The following LSS variants were observed in gnomAD, a reference collection of about 807,000 sequenced individuals.
LSS encodes the protein lanosterol synthase, also known as 2,3-epoxysqualene-lanosterol cyclase.
In LSS, 90 loss-of-function variants were observed where a neutral mutation model predicts 110.3. That is an observed-to-expected ratio of 0.82 (90% CI 0.69 to 0.97). LSS has a LOEUF of 0.97. Ranked by LOEUF, LSS falls within the 50% of genes least tolerant of loss-of-function variation. The probability of loss-of-function intolerance (pLI) is 0.00; values close to 1 mark genes in which losing one functional copy is unlikely to be tolerated. For synonymous variants in LSS, 433 were observed against 400.0 expected, an observed-to-expected ratio of 1.08 and a Z score of -0.98; for missense variants, 927 against 990.0, an observed-to-expected ratio of 0.94 and a Z score of 0.85.
intron 17 of LSS, among the ~76,000 whole-genome samples, chr21:46,198,653 A>G (rs1048675623): frequency 1.1e-4 from 16 of 152,164 alleles, no homozygotes; most frequent in Non-Finnish European, 2.2e-4. Flanking sequence ...TACAGGAACC[A>G]AGACAGTGTG....
At chr21:46,218,850 C>T (rs925897938) in intron 6 of LSS, among the ~76,000 whole-genome samples, 1 of 151,746 alleles carries the variant, frequency 6.6e-6, no homozygotes, top group Non-Finnish European at 1.5e-5. Flanking sequence ...CTCAGCCTCC[C>T]GAGTAGCTGG....
At chr21:46,201,520 T>C (rs2079977769) in intron 17 of LSS, among the ~76,000 whole-genome samples, 1 of 128,130 alleles carries the variant, frequency 7.8e-6, no homozygotes, top group East Asian at 2.5e-4. Flanking sequence ...GGGTAGAGCC[T>C]GGATCATGTG....
chr21:46,219,580 G>A lies in LSS; in HGVS notation c.551-8C>T, dbSNP rs895275408. 2 of 1,556,756 alleles carry A rather than the reference G, an allele frequency of 1.3e-6. No homozygotes were observed. The highest frequency in any genetic ancestry group is 1.7e-6 in the Non-Finnish European group (2 of 1,146,826). On this transcript the variant is annotated splice_polypyrimidine_tract_variant and splice_region_variant and intron_variant, in intron 5 of 21. Coordinates refer to ENST00000397728, the MANE Select transcript of LSS (RefSeq NM_002340.6). The stretch of plus-strand genomic sequence containing the variant: ...GGATGGCCACAGCACCACCTGAGCG[G>A]GGAGAGAATAGGCCCACGTCATCTG...
At chr21:46,202,387 C>T (rs1277338213) in intron 17 of LSS, among the ~76,000 whole-genome samples, 1 of 142,578 alleles carries the variant, frequency 7.0e-6, no homozygotes, top group East Asian at 2.1e-4. Flanking sequence ...GAGCGAGACT[C>T]CGTCTCAAAA....
At position 46,188,597 on chromosome 21, in the gene LSS, C is replaced by G; in HGVS notation, c.*2507G>C. The G allele has an allele frequency of 4.3e-6, 2 of 469,780 alleles. No individual in the cohort carries two copies. The highest frequency in any genetic ancestry group is 3.1e-5 in the South Asian group (2 of 64,504). The allele number at this position is 469,780 out of a possible 1,614,324, so 29.1% of individuals were successfully genotyped here. On this transcript the variant is annotated 3_prime_UTR_variant, in exon 22 of 22. Transcript: ENST00000397728. ...CTGGGACAGGTCACCCTCCCAGCAC[C>G]GAGAAGCCGACGGGGGAGGAACAGA... is the stretch of plus-strand genomic sequence containing the variant.
intron 3 of LSS, among the ~76,000 whole-genome samples, chr21:46,226,041 C>T (rs1460230609): frequency 1.3e-5 from 2 of 151,704 alleles, no homozygotes; most frequent in African/African-American, 2.4e-5. Flanking sequence ...GAGGCTGAGG[C>T]AGGAGAATCA....
chr21:46,207,949 T>C (rs1324141159), intron 14 of LSS, among the ~76,000 whole-genome samples: 1 of 152,248 alleles, frequency 6.6e-6, no homozygotes, highest in Non-Finnish European at 1.5e-5. Flanking sequence ...TTCTTTCCTC[T>C]GCCTTCCCCG....
At chr21:46,228,334 T>A (rs189497555) in intron 2 of LSS, 100 bp downstream of exon 2, 1,861 of 1,386,118 alleles carry the variant, frequency 1.3e-3, no homozygotes, top group Non-Finnish European at 1.6e-3. Flanking sequence ...TGGGCGTCGC[T>A]GGCCGGGTCC....
At chr21:46,224,128 T>C (rs1176417627) in intron 3 of LSS, among the ~76,000 whole-genome samples, 2 of 152,226 alleles carry the variant, frequency 1.3e-5, no homozygotes, top group Non-Finnish European at 2.9e-5. Flanking sequence ...CAGTAGTCAA[T>C]TAGTGAAAGT....
chr21:46,224,495 C>G (rs955720889), intron 3 of LSS, among the ~76,000 whole-genome samples: 1 of 152,096 alleles, frequency 6.6e-6, no homozygotes, highest in Non-Finnish European at 1.5e-5. Context: ...GTCCCTACAC[C>G]CTGGAAGAAG....
chr21:46,216,287 G>A lies in LSS; in HGVS notation c.783+102C>T, dbSNP rs2080205499. The A allele has an allele frequency of 2.0e-6, 3 of 1,468,406 alleles. No homozygotes were observed. In the East Asian group the frequency reaches 6.8e-5, roughly 33 times the overall value. 91.0% of individuals were successfully genotyped at this position (1,468,406 alleles called of 1,614,324 possible). A position where few individuals can be genotyped will look rare whatever the true frequency, so the allele number is the denominator to read the frequency against. On this transcript the variant is annotated intron_variant, in intron 7 of 21. Transcript: ENST00000397728. This position sits in a 1 kb window ranked among gnomAD's most constrained non-coding sequence, Gnocchi z 4.2. ...CTCCACAGGGCTCTCCGCTCCACAGGGCCACCAGGTGAGTGGACAGGTGTG... is the reference window on the plus strand; with the variant it reads ...CTCCACAGGGCTCTCCGCTCCACAGAGCCACCAGGTGAGTGGACAGGTGTG...
intron 10 of LSS, among the ~76,000 whole-genome samples, chr21:46,213,302 C>T (rs546808226): frequency 5.9e-5 from 9 of 152,360 alleles, no homozygotes; most frequent in African/African-American, 2.2e-4. Flanking sequence ...CTCCCCGACC[C>T]CAGGCTGTGC....
At position 46,209,629 on chromosome 21, in the gene LSS, G is replaced by C. The variant is rs764868244; in HGVS notation, c.1195-4C>G. ...CGGGCCTGTGGTGCCCGCCCGCCTG[G>C]AAGAGACAGCAGGACAGAGAGGCTC... On this transcript the variant is annotated splice_region_variant and splice_polypyrimidine_tract_variant and intron_variant, in intron 12 of 21. Coordinates refer to ENST00000397728, the MANE Select transcript of LSS (RefSeq NM_002340.6). This position sits in a 1 kb window ranked among gnomAD's most constrained non-coding sequence, Gnocchi z 4.4. 5.0e-6 allele frequency: 8 copies of C among 1,606,976 alleles called. No homozygotes were observed. In the Admixed American group the frequency reaches 1.4e-4, roughly 27 times the overall value.
At chr21:46,222,784 A>G in intron 3 of LSS, 46 bp from the exon 4 acceptor site, 1 of 1,435,838 alleles carries the variant, frequency 7.0e-7, no homozygotes, top group Non-Finnish European at 9.8e-7. Flanking sequence ...GGTGGTCATG[A>G]CTGCTAAGAC....
chr21:46,213,954 G>A, intron 9 of LSS, 119 bp from the exon 10 acceptor site: 1 of 709,080 alleles, frequency 1.4e-6, no homozygotes, highest in Non-Finnish European at 2.5e-6. Flanking sequence ...GATCACTCAG[G>A]GCCAGGACAG....
chr21:46,212,083 G>A (rs2080141904), intron 11 of LSS, among the ~76,000 whole-genome samples: 1 of 152,064 alleles, frequency 6.6e-6, no homozygotes, highest in Admixed American at 6.5e-5. Context: ...ACAGGGAGGG[G>A]CAGGGAGGCC....
chr21:46,220,905 A>ACAGCCCAGGGCTTGGGGAGGTAGC (rs2080269923), intron 5 of LSS, among the ~76,000 whole-genome samples: 1 of 133,982 alleles, frequency 7.5e-6, no homozygotes, highest in African/African-American at 2.9e-5. Flanking sequence ...GGAGAGGTGG[A>ACAGCCCAGGGCTTGGGGAGGTAGC]CAGCCCAGGG....
chr21:46,219,535 C>G lies in LSS; in HGVS notation c.588G>C (p.Trp196Cys), dbSNP rs143911342. ...AGCTGTAAACATTCAGGACAGCCAG[C>G]CAGAACTTCCCCCAGGAGGGGATGG... ...AVAIPSWGKF[W>C]LAVLNVYSWE... The change falls in exon 6 of 22, where the codon TGG becomes TGC. Residue 196 changes from tryptophan to cysteine, a missense_variant. Transcript: ENST00000397728. 8.7e-6 allele frequency: 14 copies of G among 1,602,538 alleles called. No individual in the cohort carries two copies. Among genetic ancestry groups the G allele is most frequent in the Non-Finnish European group, 1.2e-5 (14 of 1,174,598 alleles).
In LSS at chr21:46,216,251, T is replaced by C; in HGVS notation, c.783+138A>G. 9.7e-7 allele frequency: 1 copy of C among 1,031,796 alleles called. No individual in the cohort carries two copies. Among genetic ancestry groups the C allele is most frequent in the Non-Finnish European group, 1.5e-6 (1 of 686,140 alleles). 63.9% of individuals were successfully genotyped at this position (1,031,796 alleles called of 1,614,324 possible). A position where few individuals can be genotyped will look rare whatever the true frequency, so the allele number is the denominator to read the frequency against. ...CTGTTTATTATAGGATGGAGGAAGG[T>C]GGAGGCTCTGCTCCACAGGGCTCTC... On this transcript the variant is annotated intron_variant, in intron 7 of 21. Coordinates refer to ENST00000397728, the MANE Select transcript of LSS (RefSeq NM_002340.6). This position sits in a 1 kb window ranked among gnomAD's most constrained non-coding sequence, Gnocchi z 4.2.
Sources: gnomAD v4.1 joint callset for allele counts (sites outside exome capture counted in the v4.1 genomes callset) on GRCh38, gnomAD v4.1.1 for gene constraint, Gnocchi (gnomAD v3.1) non-coding constraint, MANE v1.5 for transcripts, NCBI Gene and HGNC (gene_info 2026-07-23, HGNC 2026-07-21) for gene names.